The following NPHP4 variants were observed in gnomAD, a reference collection of about 807,000 sequenced individuals.
NPHP4 encodes nephrocystin 4.
In NPHP4, 151 loss-of-function variants were observed where a neutral mutation model predicts 155.8. The observed-to-expected ratio is 0.97, with a 90% confidence interval of 0.85 to 1.11. The LOEUF is 1.11. NPHP4 is among the 50% of genes least tolerant of loss of function. The probability of loss-of-function intolerance (pLI) is 0.00; values close to 1 mark genes in which losing one functional copy is unlikely to be tolerated. For missense variants in NPHP4, 1,956 were observed against 1,925.7 expected, an observed-to-expected ratio of 1.02 and a Z score of -0.29; for synonymous variants, 845 against 816.8, an observed-to-expected ratio of 1.03 and a Z score of -0.59.
At chr1:5,894,426 G>A (rs1644292922) in intron 16 of NPHP4, among the ~76,000 whole-genome samples, 1 of 151,072 alleles carries the variant, frequency 6.6e-6, no homozygotes, top group South Asian at 2.1e-4. Flanking sequence ...TTCCAGCCTG[G>A]GCTACAGAGC....
chr1:5,953,885 A>AG, intron 6 of NPHP4, among the ~76,000 whole-genome samples: 1 of 152,324 alleles, frequency 6.6e-6, no homozygotes, highest in East Asian at 1.9e-4. Flanking sequence ...TTCTGGTCCT[A>AG]GCTCCATCTC....
At position 5,880,117 on chromosome 1, in the gene NPHP4, T is replaced by TTGAGCTTCCA. The variant is rs752910449; in HGVS notation, c.2598_2607dup (p.Arg870TrpfsTer20). On this transcript the variant is annotated frameshift_variant, in exon 19 of 30. Transcript: ENST00000378156. LOFTEE classifies it high-confidence loss of function. ...GGGCCCAACAGTGTAAACTCACGCC[T>TTGAGCTTCCA]TGAGCTTCCAGTCGTGAGGAGGCTG... 3.2e-5 allele frequency: 52 copies of TTGAGCTTCCA among 1,613,580 alleles called. No individual in the cohort carries two copies. Among genetic ancestry groups the TTGAGCTTCCA allele is most frequent in the Non-Finnish European group, 4.2e-5 (49 of 1,179,774 alleles).
intron 18 of NPHP4, among the ~76,000 whole-genome samples, chr1:5,884,434 C>A (rs1643589356): frequency 6.6e-6 from 1 of 151,544 alleles, no homozygotes; most frequent in Non-Finnish European, 1.5e-5. Context: ...CCCAGCCGAA[C>A]CCCCGTCCTA....
chr1:5,879,453 T>C (rs1642977199), intron 19 of NPHP4: 4 of 483,642 alleles, frequency 8.3e-6, no homozygotes, highest in Admixed American at 6.6e-5. Context: ...AGCTCCATAA[T>C]TGGCTTCTTT....
chr1:5,936,362 G>A (rs868402927), intron 9 of NPHP4, among the ~76,000 whole-genome samples: 15 of 152,126 alleles, frequency 9.9e-5, no homozygotes, highest in African/African-American at 2.2e-4. Context: ...GGAACTGCCC[G>A]AAAACCACCT....
At chr1:5,871,843 G>A (rs1642038674) in intron 23 of NPHP4, among the ~76,000 whole-genome samples, 1 of 152,184 alleles carries the variant, frequency 6.6e-6, no homozygotes, top group African/African-American at 2.4e-5. Flanking sequence ...GCCGAGGTCT[G>A]CGTTGACTGG....
chr1:5,921,193 T>A (rs1027922722), intron 11 of NPHP4, among the ~76,000 whole-genome samples: 1 of 152,286 alleles, frequency 6.6e-6, no homozygotes, highest in Non-Finnish European at 1.5e-5. Context: ...TTTATCCACC[T>A]GATACGCATA....
At chr1:5,977,450 C>G (rs796374294) in intron 3 of NPHP4, among the ~76,000 whole-genome samples, 29 of 152,160 alleles carry the variant, frequency 1.9e-4, no homozygotes, top group African/African-American at 6.0e-4. Context: ...TAAAGCAGGT[C>G]TCCACGTTCT....
chr1:5,873,339 C>A lies in NPHP4; in HGVS notation c.3232-4G>T. 1.2e-6 allele frequency: 2 copies of A among 1,613,382 alleles called. No individual in the cohort carries two copies. The highest frequency in any genetic ancestry group is 1.7e-6 in the Non-Finnish European group (2 of 1,179,336). On this transcript the variant is annotated splice_polypyrimidine_tract_variant and splice_region_variant and intron_variant, in intron 22 of 29. Coordinates refer to ENST00000378156, the MANE Select transcript of NPHP4 (RefSeq NM_015102.5). ...CGTTGCTCAACCCAGGAGAGGCCTG[C>A]AGGAACCGAACAGCACAAGCAGGTC...
intron 17 of NPHP4, chr1:5,888,363 TAAG>T (rs1325072158): frequency 8.3e-6 from 9 of 1,084,804 alleles, no homozygotes; most frequent in African/African-American, 6.8e-5. Context: ...TCCTCTCACA[TAAG>T]AAGCAGTGTG....
chr1:5,864,613 C>A, intron 27 of NPHP4, 96 bp from the exon 28 acceptor site: 1 of 1,229,322 alleles, frequency 8.1e-7, no homozygotes, highest in Non-Finnish European at 1.1e-6. Context: ...CAGGGGAGCC[C>A]AAGGTCATGG....
At chr1:5,900,903 G>GTGCA (rs1644644989) in intron 16 of NPHP4, among the ~76,000 whole-genome samples, 1 of 152,062 alleles carries the variant, frequency 6.6e-6, no homozygotes, top group African/African-American at 2.4e-5. Context: ...GGGCATGGTG[G>GTGCA]TGCATGCCTG....
At chr1:5,952,321 T>C (rs1305574998) in intron 7 of NPHP4, among the ~76,000 whole-genome samples, 1 of 152,236 alleles carries the variant, frequency 6.6e-6, no homozygotes, top group Non-Finnish European at 1.5e-5. Flanking sequence ...TGATTTAGTT[T>C]ACTTTAAATG....
rs766689009 is a variant in NPHP4, at chr1:5,877,221, G to C, written c.2689C>G (p.Gln897Glu). Residue 897 changes from glutamine (Q) to glutamate (E), a missense_variant, in exon 20 of 30, where the codon CAG becomes GAG. Transcript: ENST00000378156. ...LAAMLLTHAR[Q>E]GKGPQDVSRE... Reference sequence around the variant, plus strand: ...CTGACGTCCTGGGGCCCCTTGCCCTGCCGGGCATGGGTCAGTAGCATGGCA... The same window carrying C: ...CTGACGTCCTGGGGCCCCTTGCCCTCCCGGGCATGGGTCAGTAGCATGGCA... The C allele has an allele frequency of 4.4e-6, 7 of 1,607,750 alleles. No homozygotes were observed. The South Asian group carries it at 4.4e-5, about 10-fold the overall frequency.
intron 23 of NPHP4, among the ~76,000 whole-genome samples, chr1:5,872,606 G>A (rs902435267): frequency 1.3e-5 from 2 of 152,182 alleles, no homozygotes; most frequent in African/African-American, 2.4e-5. Flanking sequence ...AGTGAGACCC[G>A]GGCCACGGGA....
chr1:5,968,272 C>T (rs1419810295), intron 4 of NPHP4, among the ~76,000 whole-genome samples: 1 of 152,088 alleles, frequency 6.6e-6, no homozygotes, highest in Non-Finnish European at 1.5e-5. Flanking sequence ...CCAGCCCTTA[C>T]TCCGGCCTAA....
Position 5,863,166 on chromosome 1 carries a change from T to G in NPHP4, c.*99A>C. 1 of 1,354,896 alleles carries G rather than the reference T, an allele frequency of 7.4e-7. No individual in the cohort carries two copies. Among genetic ancestry groups the G allele is most frequent in the Non-Finnish European group, 1.1e-6 (1 of 946,892 alleles). 83.9% of individuals were successfully genotyped at this position (1,354,896 alleles called of 1,614,324 possible). A position where few individuals can be genotyped will look rare whatever the true frequency, so the allele number is the denominator to read the frequency against. ...CAGGTCAGCCAGGTGGGCACTGAAG[T>G]GAAAGGCTGCAGAGAGGCGGGGAGG... On this transcript the variant is annotated 3_prime_UTR_variant, in exon 30 of 30. Coordinates refer to ENST00000378156, the MANE Select transcript of NPHP4 (RefSeq NM_015102.5).
intron 11 of NPHP4, among the ~76,000 whole-genome samples, chr1:5,922,176 C>T (rs2101598400): frequency 6.6e-6 from 1 of 152,326 alleles, no homozygotes; most frequent in South Asian, 2.1e-4. Flanking sequence ...CGCAGGTGGC[C>T]TCTAGCAGCT....
rs766813106 is a variant in NPHP4, at chr1:5,865,234, G to A, written c.3684C>T (p.Val1228=). 5 of 1,592,408 alleles carry A rather than the reference G, an allele frequency of 3.1e-6. No individual in the cohort carries two copies. The highest frequency in any genetic ancestry group is 3.4e-6 in the Non-Finnish European group (4 of 1,166,040). ...CCACGCGCTGCAGGGAGTGGAGGTA[G>A]ACCTGCCACGTCTGTGTGGGTGTCG... ...WLATPTQTWQ[V]YLHSLQRVDV... Residue 1228 remains valine, a synonymous_variant, in exon 27 of 30, where the codon GTC becomes GTT. Coordinates refer to ENST00000378156, the MANE Select transcript of NPHP4 (RefSeq NM_015102.5).
Sources: gnomAD v4.1 joint callset for allele counts (sites outside exome capture counted in the v4.1 genomes callset) on GRCh38, gnomAD v4.1.1 for gene constraint, MANE v1.5 for transcripts, NCBI Gene and HGNC (gene_info 2026-07-23, HGNC 2026-07-21) for gene names.